The following HABP4 variants were observed in gnomAD, a reference collection of about 807,000 sequenced individuals.
HABP4 encodes the protein intracellular hyaluronan-binding protein 4.
Under a neutral mutation model 44.1 loss-of-function variants are expected in HABP4, and 32 were observed. That is an observed-to-expected ratio of 0.73 (90% CI 0.55 to 0.97). HABP4 has a LOEUF of 0.97. Ranked by LOEUF, HABP4 falls within the 50% of genes least tolerant of loss-of-function variation. The pLI is 0.00. For synonymous variants in HABP4, 216 were observed against 218.0 expected, an observed-to-expected ratio of 0.99 and a Z score of 0.08; for missense variants, 503 against 561.9, an observed-to-expected ratio of 0.90 and a Z score of 1.06.
chr9:96,456,696 C>G (rs1230906451), intron 1 of HABP4, among the ~76,000 whole-genome samples: 4 of 137,734 alleles, frequency 2.9e-5, no homozygotes, highest in African/African-American at 1.1e-4. Flanking sequence ...GGAGGCGGTG[C>G]TTGCAGTGAG....
intron 2 of HABP4, among the ~76,000 whole-genome samples, chr9:96,462,473 C>T (rs1015113091): frequency 4.0e-5 from 6 of 151,308 alleles, no homozygotes; most frequent in African/African-American, 7.3e-5. Flanking sequence ...AATTGCCAGG[C>T]GTGGTGGTGC....
intron 5 of HABP4, chr9:96,484,158 C>T (rs1474370332): frequency 4.8e-6 from 1 of 210,334 alleles, no homozygotes; most frequent in African/African-American, 2.3e-5. Context: ...TTTTGTCTGT[C>T]ATGCTGTCTG....
Position 96,450,200 on chromosome 9 carries a change from C to T in HABP4, c.-80C>T, listed in dbSNP as rs1014983639. On this transcript the variant is annotated 5_prime_UTR_variant, in exon 1 of 8. Coordinates refer to ENST00000375249, the MANE Select transcript of HABP4 (RefSeq NM_014282.4). The surrounding 1 kb of genome is among the most constrained non-coding windows in gnomAD (Gnocchi z 4.8). Reference sequence around the variant, plus strand: ...CGGAGGGCGGTGGCGGCGGAGCGGGCGGCATGGGTCCTGGCCGCCGGCTTC... The same window carrying T: ...CGGAGGGCGGTGGCGGCGGAGCGGGTGGCATGGGTCCTGGCCGCCGGCTTC... 3.4e-4 allele frequency: 408 copies of T among 1,215,298 alleles called. No homozygotes were observed. Among genetic ancestry groups the T allele is most frequent in the Non-Finnish European group, 4.0e-4 (393 of 972,118 alleles). 75.3% of individuals were successfully genotyped at this position (1,215,298 alleles called of 1,614,324 possible). A position where few individuals can be genotyped will look rare whatever the true frequency, so the allele number is the denominator to read the frequency against.
intron 6 of HABP4, among the ~76,000 whole-genome samples, chr9:96,487,695 CTTT>C (rs11432941): frequency 6.6e-6 from 1 of 151,956 alleles, no homozygotes; most frequent in African/African-American, 2.4e-5. Flanking sequence ...GAAATGAAAA[CTTT>C]TTTATCTCAG....
In HABP4 at chr9:96,464,048, C is replaced by T. The variant is rs1004418201; in HGVS notation, c.513-1289C>T. On this transcript the variant is annotated intron_variant, in intron 2 of 7. Transcript: ENST00000375249. Reference sequence around the variant, plus strand: ...CCTCAGAAAGAGTGCTGGTGCCCAGCGACGGTGCAGGGAGGAGTGGGTGGG... The same window carrying T: ...CCTCAGAAAGAGTGCTGGTGCCCAGTGACGGTGCAGGGAGGAGTGGGTGGG... Among the ~76,000 whole-genome samples, 4 of 152,216 alleles carry T rather than the reference C, an allele frequency of 2.6e-5. No homozygotes were observed. The East Asian group carries it at 5.8e-4, about 22-fold the overall frequency.
intron 2 of HABP4, among the ~76,000 whole-genome samples, chr9:96,460,802 C>T (rs1832488405): frequency 6.6e-6 from 1 of 152,124 alleles, no homozygotes; most frequent in African/African-American, 2.4e-5. Context: ...CTCAGCGCAT[C>T]GCAGTACAGA....
intron 5 of HABP4, among the ~76,000 whole-genome samples, chr9:96,477,546 T>A (rs1160279509): frequency 6.6e-6 from 1 of 152,070 alleles, no homozygotes; most frequent in Admixed American, 6.6e-5. Context: ...CTCCATTAAA[T>A]TTTTTTTAAT....
intron 1 of HABP4, chr9:96,451,429 G>A (rs2131105984): frequency 1.0e-6 from 1 of 980,468 alleles, no homozygotes; most frequent in East Asian, 1.1e-4. Context: ...CAGTGGCAGA[G>A]CCAGCAACAC....
chr9:96,456,805 A>C (rs1033332056), intron 1 of HABP4, among the ~76,000 whole-genome samples: 1 of 127,750 alleles, frequency 7.8e-6, no homozygotes, highest in Non-Finnish European at 1.6e-5. Context: ...ATATATATAT[A>C]TATATATATA....
In HABP4 at chr9:96,453,220, C is replaced by T. The variant is rs185087886; in HGVS notation, c.349+2592C>T. 3.1e-3 allele frequency among the ~76,000 whole-genome samples: 469 copies of T among 151,820 alleles called. 3 individuals carry two copies. Among genetic ancestry groups the T allele is most frequent in the African/African-American group, 0.011 (452 of 41,376 alleles). On this transcript the variant is annotated intron_variant, in intron 1 of 7. Transcript: ENST00000375249. Reference sequence around the variant, plus strand: ...TAGCTGGGACTACAGGCATGCGCCACCATGCCCAGCTAATTTTTGTATATT... The same window carrying T: ...TAGCTGGGACTACAGGCATGCGCCATCATGCCCAGCTAATTTTTGTATATT...
chr9:96,479,393 AT>A (rs1236127637), intron 5 of HABP4, among the ~76,000 whole-genome samples: 1 of 151,882 alleles, frequency 6.6e-6, no homozygotes, highest in African/African-American at 2.4e-5. Context: ...TTTCATAAAC[AT>A]TTAGGTTACT....
chr9:96,465,792 G>C lies in HABP4; in HGVS notation c.743+14G>C. On this transcript the variant is annotated intron_variant, in intron 4 of 7. Coordinates refer to ENST00000375249, the MANE Select transcript of HABP4 (RefSeq NM_014282.4). Reference sequence around the variant, plus strand: ...TAAAGATACCAGGTACGGTGTAAGTGTGTGCCCTCTGAGAACCTGCAATTA... The same window carrying C: ...TAAAGATACCAGGTACGGTGTAAGTCTGTGCCCTCTGAGAACCTGCAATTA... 7.0e-7 allele frequency: 1 copy of C among 1,429,020 alleles called. No homozygotes were observed. Among genetic ancestry groups the C allele is most frequent in the Non-Finnish European group, 9.9e-7 (1 of 1,011,056 alleles). The allele number at this position is 1,429,020 out of a possible 1,614,324, so 88.5% of individuals were successfully genotyped here.
rs1227262677 is a variant in HABP4, at chr9:96,465,568, T to A, written c.674+70T>A. ...GCACGTGGTATGAATCTATTATGTGTTAATATTTAGTTAACTTTATAGTAC... is the reference window on the plus strand; with the variant it reads ...GCACGTGGTATGAATCTATTATGTGATAATATTTAGTTAACTTTATAGTAC... On this transcript the variant is annotated intron_variant, in intron 3 of 7. Transcript: ENST00000375249. 63 of 1,230,064 alleles carry A rather than the reference T, an allele frequency of 5.1e-5. 1 individual carries two copies. The East Asian group carries it at 1.4e-3, about 28-fold the overall frequency. 76.2% of individuals were successfully genotyped at this position (1,230,064 alleles called of 1,614,324 possible).
intron 4 of HABP4, 61 bp downstream of exon 4, chr9:96,465,839 G>A: frequency 1.1e-6 from 1 of 897,882 alleles, no homozygotes; most frequent in Non-Finnish European, 1.9e-6. Context: ...CTGGATCTTT[G>A]CTTTTCTTGA....
chr9:96,484,806 T>C (rs898885953), intron 6 of HABP4, among the ~76,000 whole-genome samples, 173 bp downstream of exon 6: 1 of 152,100 alleles, frequency 6.6e-6, no homozygotes, highest in African/African-American at 2.4e-5. Flanking sequence ...GAAAAGGAAT[T>C]GAAACTTGAG....
At chr9:96,468,126 A>T (rs1188637331) in intron 4 of HABP4, among the ~76,000 whole-genome samples, 2 of 151,872 alleles carry the variant, frequency 1.3e-5, no homozygotes, top group Non-Finnish European at 2.9e-5. Context: ...TCTGTTGCCC[A>T]TGCTGGAGTA....
chr9:96,474,889 T>C (rs1564165914), intron 5 of HABP4, among the ~76,000 whole-genome samples: 3 of 152,282 alleles, frequency 2.0e-5, no homozygotes, highest in South Asian at 4.1e-4. Context: ...CTCTCACTTA[T>C]GTTCAAACAC....
chr9:96,456,777 AAAAATATATATAT>A (rs1832393565), intron 1 of HABP4, among the ~76,000 whole-genome samples: 3 of 64,452 alleles, frequency 4.7e-5, no homozygotes, highest in East Asian at 5.4e-4. Context: ...AAAAAAAAAA[AAAAATATATATAT>A]ATATATATAT....
rs375694240 is a variant in HABP4, at chr9:96,461,898, G to A, written c.512+3357G>A. Among the ~76,000 whole-genome samples, 174 of 152,254 alleles carry A rather than the reference G, an allele frequency of 1.1e-3. 3 individuals carry two copies. Among genetic ancestry groups the A allele is most frequent in the South Asian group, 0.011 (55 of 4,824 alleles). ...CTTGGCGGCACAGTGGCTCATGCCT[G>A]TAATCCCAGCACTTTGGGGAGGCTG... On this transcript the variant is annotated intron_variant, in intron 2 of 7. Transcript: ENST00000375249.
Sources: allele counts gnomAD v4.1 joint callset (sites outside exome capture counted in the v4.1 genomes callset), GRCh38; gene constraint gnomAD v4.1.1; non-coding constraint Gnocchi (gnomAD v3.1); transcripts MANE v1.5; gene names NCBI Gene and HGNC (gene_info 2026-07-23, HGNC 2026-07-21).